PDE2A: variants seen among roughly 807,000 people sequenced by gnomAD.
PDE2A encodes cGMP-dependent 3',5'-cyclic phosphodiesterase.
Under a neutral mutation model 133.6 loss-of-function variants are expected in PDE2A, and 53 were observed. The observed-to-expected ratio is 0.40, with a 90% confidence interval of 0.32 to 0.50. The LOEUF (loss-of-function observed/expected upper bound fraction) is 0.50, where lower values mean the gene tolerates loss of function less well. Among genes scored for constraint, PDE2A ranks in the 20% least tolerant of loss-of-function variants. PDE2A has a pLI of 0.73. For missense variants in PDE2A, 796 were observed against 1,232.4 expected (o/e 0.65, Z 5.30); for synonymous variants, 491 against 490.2 (o/e 1.00, Z -0.02).
At chr11:72,582,420 G>A in intron 21 of PDE2A, 24 bp downstream of exon 21, 2 of 1,611,112 alleles carry the variant, frequency 1.2e-6, no homozygotes, top group Non-Finnish European at 1.7e-6. Context: ...GGCCTGGCCA[G>A]TCAAGTGGAG....
At chr11:72,619,600 T>C (rs1857647129) in intron 2 of PDE2A, among the ~76,000 whole-genome samples, 1 of 152,196 alleles carries the variant, frequency 6.6e-6, no homozygotes, top group South Asian at 2.1e-4. Context: ...TCTATGCATA[T>C]GTGATTCAGG....
At chr11:72,612,283 ACACACAC>A (rs1857244665) in intron 2 of PDE2A, among the ~76,000 whole-genome samples, 2 of 59,436 alleles carry the variant, frequency 3.4e-5, no homozygotes, top group Admixed American at 4.7e-4. Flanking sequence ...ATCCACACAC[ACACACAC>A]ACACACACAC....
intron 7 of PDE2A, 27 bp downstream of exon 7, chr11:72,591,270 A>C (rs1402187863): frequency 1.3e-6 from 2 of 1,594,218 alleles, no homozygotes; most frequent in African/African-American, 2.7e-5. Context: ...CTTCAGCCTC[A>C]TTGCACATGG....
chr11:72,600,872 C>T (rs772704006), intron 4 of PDE2A, among the ~76,000 whole-genome samples: 2 of 152,148 alleles, frequency 1.3e-5, no homozygotes, highest in Admixed American at 6.5e-5. Flanking sequence ...GAGGAACAGG[C>T]GTGGACTTTA....
rs149887463 is a variant in PDE2A at position 72,653,714 on chromosome 11, T to C, written c.72-11388A>G. On this transcript the variant is annotated intron_variant, in intron 1 of 30. Coordinates refer to ENST00000334456, the MANE Select transcript of PDE2A (RefSeq NM_002599.5). ...GTCAAGGGCACCGAGGCCACCAGAG[T>C]CCTGAGCTGGCCCCAGTCCTGGGCC... Among the ~76,000 whole-genome samples the C allele has an allele frequency of 5.1e-3, 771 of 152,030 alleles. 6 individuals are homozygous for C. The highest frequency in any genetic ancestry group is 0.017 in the African/African-American group (719 of 41,460).
intron 1 of PDE2A, chr11:72,657,907 G>A (rs1400066115): frequency 2.2e-6 from 1 of 456,116 alleles, no homozygotes; most frequent in Non-Finnish European, 4.4e-6. Flanking sequence ...CATGATGGGA[G>A]CCTCCCACCC....
chr11:72,593,142 A>G (rs532412611), intron 6 of PDE2A, among the ~76,000 whole-genome samples: 154 of 151,470 alleles, frequency 1.0e-3, no homozygotes, highest in Admixed American at 1.7e-3. Flanking sequence ...TCAGGCCCTC[A>G]CACACATGCA....
At chr11:72,614,936 G>C (rs1183626018) in intron 2 of PDE2A, 4 of 339,040 alleles carry the variant, frequency 1.2e-5, no homozygotes, top group Non-Finnish European at 2.8e-5. Context: ...TTAAAGGAGG[G>C]ACCTGCCAGA....
Position 72,581,921 on chromosome 11 carries a change from C to T in PDE2A, c.1878G>A (p.Met626Ile). 6.2e-7 allele frequency: 1 copy of T among 1,614,094 alleles called. No individual in the cohort carries two copies. Among genetic ancestry groups the T allele is most frequent in the Non-Finnish European group, 8.5e-7 (1 of 1,179,986 alleles). Reference protein sequence around the residue: ...SMAILSMLQDMNFINNYKIDC... With the variant: ...SMAILSMLQDINFINNYKIDC... Reference sequence around the variant, plus strand: ...CAATTTTGTAGTTGTTGATGAAATTCATGTCCTGCAGCATGCTCAGGATGG... The same window carrying T: ...CAATTTTGTAGTTGTTGATGAAATTTATGTCCTGCAGCATGCTCAGGATGG... Residue 626 changes from methionine (M) to isoleucine (I), a missense_variant, in exon 22 of 31, where the codon ATG (methionine) becomes ATA (isoleucine). Transcript: ENST00000334456.
At chr11:72,630,402 G>A (rs1335344186) in intron 2 of PDE2A, among the ~76,000 whole-genome samples, 1 of 152,116 alleles carries the variant, frequency 6.6e-6, no homozygotes, top group Non-Finnish European at 1.5e-5. Flanking sequence ...GGAGGGAGCA[G>A]GAGTGAGCTT....
chr11:72,653,790 G>A (rs1591132466), intron 1 of PDE2A, among the ~76,000 whole-genome samples: 1 of 152,222 alleles, frequency 6.6e-6, no homozygotes, highest in Non-Finnish European at 1.5e-5. Context: ...CCCCAGCCTC[G>A]CCTGTCCCCT....
intron 2 of PDE2A, among the ~76,000 whole-genome samples, chr11:72,637,020 G>GT (rs1204999428): frequency 7.3e-6 from 1 of 137,466 alleles, no homozygotes; most frequent in Non-Finnish European, 1.5e-5. Context: ...GCTCCATGGA[G>GT]TGGTGCTGCC....
At chr11:72,651,287 C>T (rs1854735326) in intron 1 of PDE2A, among the ~76,000 whole-genome samples, 2 of 152,108 alleles carry the variant, frequency 1.3e-5, no homozygotes, top group Admixed American at 1.3e-4. Flanking sequence ...TTTCTATGCC[C>T]CTGAGAGCCT....
chr11:72,611,937 A>C (rs572295408), intron 2 of PDE2A, among the ~76,000 whole-genome samples: 1 of 152,220 alleles, frequency 6.6e-6, no homozygotes, highest in Non-Finnish European at 1.5e-5. Context: ...GTGTGGGCTC[A>C]GAGGGAAGAG....
chr11:72,581,671 C>T (rs1156265637), intron 22 of PDE2A, among the ~76,000 whole-genome samples, 192 bp from the exon 23 acceptor site: 1 of 152,246 alleles, frequency 6.6e-6, no homozygotes, highest in Non-Finnish European at 1.5e-5. Context: ...GCCTTGCCTC[C>T]AGGCTTTGCC....
chr11:72,598,924 C>G, intron 4 of PDE2A: 12 of 985,432 alleles, frequency 1.2e-5, no homozygotes, highest in Non-Finnish European at 1.4e-5. Flanking sequence ...TCCCGGCTGT[C>G]CACATTGCCA....
At chr11:72,580,469 C>A in intron 25 of PDE2A, 108 bp downstream of exon 25, 1 of 858,118 alleles carries the variant, frequency 1.2e-6, no homozygotes, top group African/African-American at 1.7e-5. Context: ...GCAGCTCTCG[C>A]AGCCTGTCTG....
Position 72,579,624 on chromosome 11 carries a change from T to A in PDE2A, c.2182-16A>T. 6.3e-7 allele frequency: 1 copy of A among 1,587,532 alleles called. No homozygotes were observed. The highest frequency in any genetic ancestry group is 8.6e-7 in the Non-Finnish European group (1 of 1,162,522). On this transcript the variant is annotated splice_polypyrimidine_tract_variant and intron_variant, in intron 25 of 30. Coordinates refer to ENST00000334456, the MANE Select transcript of PDE2A (RefSeq NM_002599.5). The stretch of plus-strand genomic sequence containing the variant: ...AGTGGTGCCTCTGGGGGGAGAGGAG[T>A]GATGGGGGCCCAGCTGGGGCAGATG...
chr11:72,582,400 A>G (rs1265583420), intron 21 of PDE2A, 44 bp downstream of exon 21: 3 of 1,595,000 alleles, frequency 1.9e-6, no homozygotes, highest in Non-Finnish European at 2.6e-6. Context: ...GCCTCTGGCT[A>G]CATACCTTCG....
Sources: allele counts gnomAD v4.1 joint callset (sites outside exome capture counted in the v4.1 genomes callset), GRCh38; gene constraint gnomAD v4.1.1; transcripts MANE v1.5; gene names NCBI Gene and HGNC (gene_info 2026-07-23, HGNC 2026-07-21).